Variants in BCKDHB observed in about 807,000 individuals in gnomAD.
BCKDHB encodes the protein branched chain keto acid dehydrogenase E1 subunit beta.
In BCKDHB, 41 loss-of-function variants were observed where a neutral mutation model predicts 48.5. That is an observed-to-expected ratio of 0.85 (90% CI 0.66 to 1.10). BCKDHB has a LOEUF of 1.10. Among genes scored for constraint, BCKDHB ranks in the 50% least tolerant of loss-of-function variants. The pLI, the probability that BCKDHB is intolerant of heterozygous loss-of-function variation, is 0.00. For synonymous variants in BCKDHB, 201 were observed against 174.8 expected, an observed-to-expected ratio of 1.15 and a Z score of -1.18; for missense variants, 496 against 494.2, an observed-to-expected ratio of 1.00 and a Z score of -0.03.
chr6:80,107,503 ATATATG>A (rs1285524343), intron 1 of BCKDHB, among the ~76,000 whole-genome samples: 14 of 125,694 alleles, frequency 1.1e-4, no homozygotes, highest in Admixed American at 7.7e-4. Context: ...ATATATGCAT[ATATATG>A]TGCGCATATA....
the BCKDHB span, among the ~76,000 whole-genome samples, chr6:80,401,341 G>A: frequency 1.3e-4 from 20 of 151,744 alleles, no homozygotes; most frequent in East Asian, 2.7e-3. Flanking sequence ...CACCATCAAA[G>A]CCAGGTACAT....
intron 6 of BCKDHB, among the ~76,000 whole-genome samples, chr6:80,197,934 TCATCCATCCATCCATCCATC>T (rs10651030): frequency 3.2e-3 from 474 of 148,978 alleles, no homozygotes; most frequent in African/African-American, 0.011. Context: ...ATCCATCTGT[TCATCCATCCATCCATCCATC>T]CATCCATCCA....
the BCKDHB span, among the ~76,000 whole-genome samples, chr6:80,424,935 C>T: frequency 6.6e-6 from 1 of 152,144 alleles, no homozygotes; most frequent in Non-Finnish European, 1.5e-5. Context: ...CATAGTCTTT[C>T]TGGCTTTGAA....
the BCKDHB span, among the ~76,000 whole-genome samples, chr6:80,427,056 A>G: frequency 6.6e-6 from 1 of 152,122 alleles, no homozygotes; most frequent in Non-Finnish European, 1.5e-5. Flanking sequence ...TACATTCTCT[A>G]GATGAATAAA....
At chr6:80,154,757 A>G (rs1273541420) in intron 3 of BCKDHB, among the ~76,000 whole-genome samples, 2 of 152,170 alleles carry the variant, frequency 1.3e-5, no homozygotes, top group Non-Finnish European at 2.9e-5. Flanking sequence ...AACTATGATA[A>G]TTCAGATAAT....
At chr6:80,399,694 C>A in the BCKDHB span, among the ~76,000 whole-genome samples, 1 of 152,102 alleles carries the variant, frequency 6.6e-6, no homozygotes, top group Non-Finnish European at 1.5e-5. Context: ...ATATTTAACA[C>A]TATTCCTATA....
intron 3 of BCKDHB, among the ~76,000 whole-genome samples, chr6:80,139,768 G>T (rs1217179158): frequency 1.3e-5 from 2 of 152,026 alleles, no homozygotes; most frequent in Non-Finnish European, 2.9e-5. Context: ...TTTGGCTTAG[G>T]ATTGACTTGG....
the BCKDHB span, among the ~76,000 whole-genome samples, chr6:80,429,190 G>T: frequency 6.6e-6 from 1 of 152,068 alleles, no homozygotes; most frequent in Non-Finnish European, 1.5e-5. Context: ...GTAGATGTGT[G>T]GTGTTATTTC....
chr6:80,171,446 TAGCTCTAAA>T (rs1403576997), intron 6 of BCKDHB, 56 bp downstream of exon 6: 1 of 1,041,080 alleles, frequency 9.6e-7, no homozygotes, highest in African/African-American at 1.6e-5. Context: ...TTGTTTTTTA[TAGCTCTAAA>T]AGTTATATCT....
the BCKDHB span, among the ~76,000 whole-genome samples, chr6:80,427,533 A>G: frequency 1.3e-5 from 2 of 152,060 alleles, no homozygotes; most frequent in Non-Finnish European, 2.9e-5. Context: ...ATTTATCCAC[A>G]TGTTTACTAT....
chr6:80,284,802 A>G (rs996122804), intron 9 of BCKDHB, among the ~76,000 whole-genome samples: 25 of 152,064 alleles, frequency 1.6e-4, no homozygotes. Context: ...CTGTCTTTTG[A>G]CAGGATTAGT....
At chr6:80,123,218 A>G (rs1770139468) in intron 1 of BCKDHB, among the ~76,000 whole-genome samples, 2 of 152,126 alleles carry the variant, frequency 1.3e-5, no homozygotes. Flanking sequence ...TATTGTTCAA[A>G]CACACATGTT....
rs1554194690 is a variant in BCKDHB, at chr6:80,200,998, GAGTGATGTTACTCT to G, written c.811_824del (p.Asp271CysfsTer25). The G allele has an allele frequency of 6.2e-7, 1 of 1,612,952 alleles. No homozygotes were observed. The highest frequency in any genetic ancestry group is 8.5e-7 in the Non-Finnish European group (1 of 1,179,100). ...CCCAGGCCGAAGTCATACAGGAAGG[GAGTGATGTTACTCT>G]AGTTGCCTGGGGCACTCAGGTGAGT... On this transcript the variant is annotated frameshift_variant, in exon 7 of 10. Transcript: ENST00000320393. LOFTEE classifies it high-confidence loss of function.
At chr6:80,450,060 G>C in the BCKDHB span, among the ~76,000 whole-genome samples, 1 of 152,050 alleles carries the variant, frequency 6.6e-6, no homozygotes, top group African/African-American at 2.4e-5. Context: ...TTGGTCCCAA[G>C]TTGGTTAACA....
chr6:80,405,638 A>AT, the BCKDHB span, among the ~76,000 whole-genome samples: 121,203 of 151,976 alleles, frequency 0.8, 51,087 homozygotes, highest in East Asian at 0.95. Flanking sequence ...TGATTTAATA[A>AT]TTTTTTGCAG....
chr6:80,365,824 A>C, the BCKDHB span, among the ~76,000 whole-genome samples: 65 of 152,310 alleles, frequency 4.3e-4, no homozygotes, highest in African/African-American at 1.5e-3. Flanking sequence ...GAATCTTCAC[A>C]ATTTATGTTC....
At chr6:80,292,455 A>G (rs1175949429) in intron 9 of BCKDHB, among the ~76,000 whole-genome samples, 1 of 151,918 alleles carries the variant, frequency 6.6e-6, no homozygotes, top group Non-Finnish European at 1.5e-5. Flanking sequence ...CGTGAGACTT[A>G]TTCACTGTCA....
At position 80,129,158 on chromosome 6, in the gene BCKDHB, C is replaced by T; in HGVS notation, c.275-3C>T. On this transcript the variant is annotated splice_polypyrimidine_tract_variant and splice_region_variant and intron_variant, in intron 2 of 9. Transcript: ENST00000320393. Reference sequence around the variant, plus strand: ...AATGTATTATTTAAATACTGTTTTTCAGTAATATTTGGTGAAGATGTTGCC... The same window carrying T: ...AATGTATTATTTAAATACTGTTTTTTAGTAATATTTGGTGAAGATGTTGCC... 5.0e-6 allele frequency: 8 copies of T among 1,599,738 alleles called. No individual in the cohort carries two copies. Among genetic ancestry groups the T allele is most frequent in the Non-Finnish European group, 6.8e-6 (8 of 1,169,366 alleles).
At chr6:80,237,076 G>C (rs1776176471) in intron 8 of BCKDHB, among the ~76,000 whole-genome samples, 1 of 152,190 alleles carries the variant, frequency 6.6e-6, no homozygotes. Flanking sequence ...TAAGGGAACT[G>C]CAAGTGTTTT....
Sources: allele counts gnomAD v4.1 joint callset (sites outside exome capture counted in the v4.1 genomes callset), GRCh38; gene constraint gnomAD v4.1.1; transcripts MANE v1.5; gene names NCBI Gene and HGNC (gene_info 2026-07-23, HGNC 2026-07-21).